Variants in ADARB2 observed in about 807,000 individuals in gnomAD.
ADARB2 encodes adenosine deaminase RNA specific B2 (inactive).
In ADARB2, 25 loss-of-function variants were observed where a neutral mutation model predicts 62.2. The observed-to-expected ratio is 0.40, with a 90% CI of 0.29 to 0.56. The LOEUF is 0.56. Ranked by LOEUF, ADARB2 falls within the 20% of genes least tolerant of loss-of-function variation. The pLI is 0.43. For missense variants in ADARB2, 1,071 were observed against 1,077.4 expected (o/e 0.99, Z 0.08); for synonymous variants, 572 against 500.8 (o/e 1.14, Z -1.90).
At chr10:1,390,416 A>G (rs991132975) in intron 1 of ADARB2, among the ~76,000 whole-genome samples, 17 of 152,184 alleles carry the variant, frequency 1.1e-4, no homozygotes, top group African/African-American at 4.1e-4. Flanking sequence ...TTGGACTGTA[A>G]CATGTGCGGT....
intron 1 of ADARB2, among the ~76,000 whole-genome samples, chr10:1,386,041 A>G (rs2387664): frequency 0.037 from 5,587 of 152,166 alleles, 164 homozygotes; most frequent in Non-Finnish European, 0.051. Context: ...TAAAAAGAGC[A>G]GCACACACCT....
intron 1 of ADARB2, among the ~76,000 whole-genome samples, chr10:1,520,645 T>G (rs943897993): frequency 6.6e-6 from 1 of 152,242 alleles, no homozygotes; most frequent in Non-Finnish European, 1.5e-5. Context: ...AAGAACCACA[T>G]TGCTTAGTTT....
chr10:1,583,606 A>G (rs1333996926), intron 1 of ADARB2, among the ~76,000 whole-genome samples: 1 of 152,220 alleles, frequency 6.6e-6, no homozygotes, highest in Non-Finnish European at 1.5e-5. Flanking sequence ...AATGAGAGAA[A>G]TTCCATGTTC....
intron 7 of ADARB2, among the ~76,000 whole-genome samples, chr10:1,211,061 C>T (rs901187428): frequency 2.0e-5 from 3 of 152,192 alleles, no homozygotes; most frequent in Admixed American, 6.5e-5. Flanking sequence ...CTTGTCCTCT[C>T]CTGCTGTGGC....
chr10:1,351,274 C>T (rs55731108), intron 3 of ADARB2, among the ~76,000 whole-genome samples: 18,874 of 152,106 alleles, frequency 0.12, 1,422 homozygotes, highest in East Asian at 0.2. Flanking sequence ...TGCTGAGCTT[C>T]GGGTAACTCA....
chr10:1,256,814 TCTC>T (rs538129921), intron 4 of ADARB2, among the ~76,000 whole-genome samples: 68 of 152,278 alleles, frequency 4.5e-4, no homozygotes, highest in East Asian at 1.7e-3. Flanking sequence ...AGTCTATTTA[TCTC>T]CTCATTTGCA....
At chr10:1,460,692 AACAAACCT>A in intron 1 of ADARB2, among the ~76,000 whole-genome samples, 3 of 126,230 alleles carry the variant, frequency 2.4e-5, no homozygotes, top group African/African-American at 3.4e-5. Context: ...TTACCTGTGT[AACAAACCT>A]GCCTGTGACC....
intron 1 of ADARB2, among the ~76,000 whole-genome samples, chr10:1,519,740 A>G (rs562909672): frequency 2.0e-5 from 3 of 152,294 alleles, no homozygotes; most frequent in South Asian, 4.2e-4. Flanking sequence ...AGCAAAACCA[A>G]TGGCCTGAGG....
Position 1,652,539 on chromosome 10 carries a change from A to G in ADARB2, c.100+84512T>C, listed in dbSNP as rs1834124164. ...GAAACTTCCTCGGGGGGCAAATGAG[A>G]AATAGCTAATTTGTGCGGTGTGCAA... On this transcript the variant is annotated intron_variant, in intron 1 of 9. Coordinates refer to ENST00000381312, the MANE Select transcript of ADARB2 (RefSeq NM_018702.4). Among the ~76,000 whole-genome samples, 2 of 152,196 alleles carry G rather than the reference A, an allele frequency of 1.3e-5. 1 individual carries two copies. The highest frequency in any genetic ancestry group is 1.3e-4 in the Admixed American group (2 of 15,278).
intron 1 of ADARB2, among the ~76,000 whole-genome samples, chr10:1,498,731 T>C: frequency 6.6e-6 from 1 of 152,346 alleles, no homozygotes; most frequent in African/African-American, 2.4e-5. Flanking sequence ...GACATATACT[T>C]TTGTATAAAT....
At chr10:1,690,513 A>C (rs1362709385) in intron 1 of ADARB2, among the ~76,000 whole-genome samples, 1 of 152,198 alleles carries the variant, frequency 6.6e-6, no homozygotes, top group Non-Finnish European at 1.5e-5. Context: ...CAGGCATCAG[A>C]ATTCCAGAGG....
chr10:1,478,500 G>T (rs2131922396), intron 1 of ADARB2, among the ~76,000 whole-genome samples: 1 of 152,324 alleles, frequency 6.6e-6, no homozygotes, highest in East Asian at 1.9e-4. Flanking sequence ...TTGTTTGAAA[G>T]AGTTCAGCTT....
intron 1 of ADARB2, among the ~76,000 whole-genome samples, chr10:1,508,682 G>C (rs1369698465): frequency 2.0e-5 from 3 of 152,232 alleles, no homozygotes. Context: ...AGGAGGCTGA[G>C]GTGGGAGAAT....
At chr10:1,271,322 G>A (rs936105929) in intron 3 of ADARB2, among the ~76,000 whole-genome samples, 4 of 152,190 alleles carry the variant, frequency 2.6e-5, no homozygotes, top group Non-Finnish European at 4.4e-5. Flanking sequence ...GAAACCCTGA[G>A]CTCTGCCAAC....
At chr10:1,346,247 G>A (rs1011055078) in intron 3 of ADARB2, among the ~76,000 whole-genome samples, 1 of 152,214 alleles carries the variant, frequency 6.6e-6, no homozygotes, top group Non-Finnish European at 1.5e-5. Context: ...TGCACCGACA[G>A]GGTCTCAGAT....
At chr10:1,553,313 A>C (rs961632805) in intron 1 of ADARB2, among the ~76,000 whole-genome samples, 1 of 152,214 alleles carries the variant, frequency 6.6e-6, no homozygotes, top group African/African-American at 2.4e-5. Flanking sequence ...TACATGGTGC[A>C]CACATTTTGG....
intron 1 of ADARB2, among the ~76,000 whole-genome samples, chr10:1,561,932 A>G (rs562977667): frequency 1.1e-3 from 169 of 152,312 alleles, no homozygotes; most frequent in African/African-American, 3.8e-3. Context: ...TGATGCCTAG[A>G]AGCCCTGGAA....
intron 1 of ADARB2, among the ~76,000 whole-genome samples, chr10:1,663,517 T>A (rs1265149546): frequency 6.6e-6 from 1 of 152,198 alleles, no homozygotes; most frequent in East Asian, 1.9e-4. Context: ...CAGAACATCA[T>A]AGAGTTGAAA....
chr10:1,413,283 C>T (rs1046092918), intron 1 of ADARB2, among the ~76,000 whole-genome samples: 1 of 152,176 alleles, frequency 6.6e-6, no homozygotes, highest in African/African-American at 2.4e-5. Context: ...CAGCCAATGT[C>T]CCAGCCCCAA....
Sources: gnomAD v4.1 joint callset for allele counts (sites outside exome capture counted in the v4.1 genomes callset) on GRCh38, gnomAD v4.1.1 for gene constraint, MANE v1.5 for transcripts, NCBI Gene and HGNC (gene_info 2026-07-23, HGNC 2026-07-21) for gene names.